Variants in UNC5C observed in about 807,000 individuals in gnomAD.
UNC5C encodes the protein unc-5 netrin receptor C, also known as netrin receptor UNC5C.
In UNC5C, 47 loss-of-function variants were observed where a neutral mutation model predicts 99.8. The ratio of observed to expected loss-of-function variants is 0.47; its 90% CI spans 0.37 to 0.60. The LOEUF is 0.60. Ranked by LOEUF, UNC5C falls within the 20% of genes least tolerant of loss-of-function variation. UNC5C has a pLI of 0.00. For synonymous variants in UNC5C, 487 were observed against 452.2 expected (o/e 1.08, Z -0.98); for missense variants, 1,062 against 1,165.9 (o/e 0.91, Z 1.30).
intron 12 of UNC5C, 136 bp downstream of exon 12, chr4:95,202,595 T>C (rs1170502382): frequency 1.3e-6 from 1 of 777,338 alleles, no homozygotes; most frequent in Non-Finnish European, 2.0e-6. Flanking sequence ...CTTTTTTAAG[T>C]GCATCCTTTT....
intron 1 of UNC5C, among the ~76,000 whole-genome samples, chr4:95,337,937 T>C (rs1743410892): frequency 6.6e-6 from 1 of 152,046 alleles, no homozygotes; most frequent in Non-Finnish European, 1.5e-5. Context: ...TCCTATAATA[T>C]TCACAAAGTA....
At chr4:95,290,343 G>GTT (rs36036934) in intron 3 of UNC5C, among the ~76,000 whole-genome samples, 6 of 148,234 alleles carry the variant, frequency 4.0e-5, no homozygotes, top group African/African-American at 9.8e-5. Context: ...GTTTGGTGGT[G>GTT]TTTTTTTTTT....
chr4:95,294,474 C>T (rs1046762165), intron 3 of UNC5C, among the ~76,000 whole-genome samples: 5 of 152,108 alleles, frequency 3.3e-5, no homozygotes, highest in East Asian at 1.9e-4. Flanking sequence ...CACACACGAT[C>T]GAGAGGAAAT....
chr4:95,185,977 T>TA (rs3841977), intron 12 of UNC5C, among the ~76,000 whole-genome samples: 94,353 of 152,062 alleles, frequency 0.62, 31,396 homozygotes, highest in Admixed American at 0.78. Flanking sequence ...ACTATACAGA[T>TA]ACAACATAAA....
chr4:95,206,880 C>G lies in UNC5C; in HGVS notation c.1734-84G>C. 5.0e-6 allele frequency: 4 copies of G among 804,626 alleles called. No individual in the cohort carries two copies. The South Asian group carries it at 9.0e-5, about 18-fold the overall frequency. 49.8% of individuals were successfully genotyped at this position (804,626 alleles called of 1,614,324 possible). A position where few individuals can be genotyped will look rare whatever the true frequency, so the allele number is the denominator to read the frequency against. ...ACTTGGGTTCTGAAGGCAAACAGGT[C>G]AAGTAGTTTTCTCCTGGAATTCTTT... On this transcript the variant is annotated intron_variant, in intron 10 of 15. Coordinates refer to ENST00000453304, the MANE Select transcript of UNC5C (RefSeq NM_003728.4).
chr4:95,313,129 A>AG (rs948934874), intron 2 of UNC5C, among the ~76,000 whole-genome samples: 1 of 152,154 alleles, frequency 6.6e-6, no homozygotes, highest in Admixed American at 6.6e-5. Flanking sequence ...CACTTCAGGA[A>AG]GAGAGAATAG....
rs181204816 is a variant in UNC5C, at chr4:95,346,244, G to A, written c.125-10613C>T. Among the ~76,000 whole-genome samples the A allele has an allele frequency of 3.1e-3, 474 of 151,866 alleles. 4 individuals are homozygous for A. The highest frequency in any genetic ancestry group is 0.01 in the African/African-American group (427 of 41,490). ...AAGATTGAAACATGAAGAAATCCAA[G>A]ACTCGAACAGACCATTAACAAGTAA... On this transcript the variant is annotated intron_variant, in intron 1 of 15. Coordinates refer to ENST00000453304, the MANE Select transcript of UNC5C (RefSeq NM_003728.4).
chr4:95,171,286 GGTTA>G (rs1216473844), intron 14 of UNC5C, among the ~76,000 whole-genome samples: 1 of 151,056 alleles, frequency 6.6e-6, no homozygotes, highest in African/African-American at 2.4e-5. Context: ...ACAATGTGCA[GGTTA>G]GTTACATATG....
intron 1 of UNC5C, among the ~76,000 whole-genome samples, chr4:95,544,483 G>A (rs111801613): frequency 9.9e-5 from 15 of 152,166 alleles, no homozygotes; most frequent in Non-Finnish European, 1.3e-4. Flanking sequence ...TACTATCTTC[G>A]GATGTCTGAA....
At chr4:95,448,661 G>A (rs534577448) in intron 1 of UNC5C, among the ~76,000 whole-genome samples, 6 of 152,202 alleles carry the variant, frequency 3.9e-5, no homozygotes, top group South Asian at 4.1e-4. Context: ...CATTTTCCAC[G>A]TATGTTCCTT....
intron 1 of UNC5C, among the ~76,000 whole-genome samples, chr4:95,467,304 A>G (rs1451814242): frequency 1.3e-5 from 2 of 152,174 alleles, no homozygotes; most frequent in Non-Finnish European, 2.9e-5. Context: ...AATGAATGCA[A>G]TCACTTTTTT....
At chr4:95,417,007 T>A (rs1011245855) in intron 1 of UNC5C, among the ~76,000 whole-genome samples, 4 of 152,138 alleles carry the variant, frequency 2.6e-5, no homozygotes, top group Admixed American at 6.6e-5. Flanking sequence ...TAAGGTAGAT[T>A]CTATGACAAT....
At position 95,485,410 on chromosome 4, in the gene UNC5C, C is replaced by T. The variant is rs78823303; in HGVS notation, c.124+63324G>A. ...GTAAAGAGAAAATGATCTGTAAGAA[C>T]TTGTTGTAGGCACTTGAATCATCAT... is the stretch of plus-strand genomic sequence containing the variant. On this transcript the variant is annotated intron_variant, in intron 1 of 15. Transcript: ENST00000453304. 1.1e-3 allele frequency among the ~76,000 whole-genome samples: 165 copies of T among 151,812 alleles called. 1 individual carries two copies. In the East Asian group the frequency reaches 0.022, roughly 20 times the overall value.
chr4:95,260,526 C>T (rs947709014), intron 4 of UNC5C, among the ~76,000 whole-genome samples: 3 of 152,174 alleles, frequency 2.0e-5, no homozygotes, highest in Non-Finnish European at 4.4e-5. Context: ...TCCCTGAGCT[C>T]TCTTCTTTGC....
At chr4:95,301,582 G>T (rs1482816330) in intron 3 of UNC5C, 24 bp downstream of exon 3, 4 of 1,613,350 alleles carry the variant, frequency 2.5e-6, no homozygotes, top group African/African-American at 1.3e-5. Flanking sequence ...TGAGACCCAA[G>T]GTGCTTATTG....
intron 1 of UNC5C, among the ~76,000 whole-genome samples, chr4:95,519,227 C>T (rs923978289): frequency 2.6e-5 from 4 of 152,116 alleles, no homozygotes; most frequent in Non-Finnish European, 5.9e-5. Flanking sequence ...TAATTGACAT[C>T]TGAGGCCCAT....
At chr4:95,445,718 C>CA (rs36039792) in intron 1 of UNC5C, among the ~76,000 whole-genome samples, 1 of 151,846 alleles carries the variant, frequency 6.6e-6, no homozygotes, top group Non-Finnish European at 1.5e-5. Context: ...AATGAGTATG[C>CA]AAAAAAGCAA....
At chr4:95,351,546 G>A (rs940490469) in intron 1 of UNC5C, among the ~76,000 whole-genome samples, 3 of 152,040 alleles carry the variant, frequency 2.0e-5, no homozygotes, top group African/African-American at 7.2e-5. Flanking sequence ...GTGGCCAGGT[G>A]CAGTGGCTCA....
chr4:95,170,231 C>T lies in UNC5C; in HGVS notation c.2553G>A (p.Lys851=). The T allele has an allele frequency of 6.2e-7, 1 of 1,614,140 alleles. No homozygotes were observed. Among genetic ancestry groups the T allele is most frequent in the Non-Finnish European group, 8.5e-7 (1 of 1,180,032 alleles). The stretch of plus-strand genomic sequence containing the variant: ...GGGGGGCATCCAGGCTGCTACAGAG[C>T]TTCTGCCGGATAGGGAGAGGGATGC... ...AFSIPLPIRQ[K]LCSSLDAPQT... The change falls in exon 15 of 16, where the codon AAG becomes AAA. Residue 851 remains lysine (K), a synonymous_variant. Coordinates refer to ENST00000453304, the MANE Select transcript of UNC5C (RefSeq NM_003728.4).
Sources: allele counts gnomAD v4.1 joint callset (sites outside exome capture counted in the v4.1 genomes callset), GRCh38; gene constraint gnomAD v4.1.1; transcripts MANE v1.5; gene names NCBI Gene and HGNC (gene_info 2026-07-23, HGNC 2026-07-21).